Variants in ADAM2 observed in about 807,000 individuals in gnomAD.
ADAM2 encodes disintegrin and metalloproteinase domain-containing protein 2.
In ADAM2, 101 loss-of-function variants were observed where a neutral mutation model predicts 99.3. That is an observed-to-expected ratio of 1.02 (90% CI 0.87 to 1.20). The LOEUF is 1.20. ADAM2 is among the 50% of genes most tolerant of loss of function. The pLI, the probability that ADAM2 is intolerant of heterozygous loss-of-function variation, is 0.00. For missense variants in ADAM2, 948 were observed against 878.7 expected, an observed-to-expected ratio of 1.08 and a Z score of -1.00; for synonymous variants, 323 against 287.6, an observed-to-expected ratio of 1.12 and a Z score of -1.25.
intron 7 of ADAM2, among the ~76,000 whole-genome samples, chr8:39,797,939 G>C (rs1804038877): frequency 6.6e-6 from 1 of 152,166 alleles, no homozygotes; most frequent in Non-Finnish European, 1.5e-5. Context: ...AGAAGCTTTT[G>C]GGCTTAGATG....
chr8:39,755,961 C>T (rs780521135), intron 15 of ADAM2, 50 bp from the exon 16 acceptor site: 7 of 1,026,424 alleles, frequency 6.8e-6, no homozygotes, highest in East Asian at 2.7e-5. Flanking sequence ...TAGAGAAGTA[C>T]AAGAATATAA....
intron 7 of ADAM2, among the ~76,000 whole-genome samples, chr8:39,806,492 T>C (rs1234430167): frequency 2.6e-4 from 39 of 147,996 alleles, no homozygotes; most frequent in Non-Finnish European, 3.0e-5. Flanking sequence ...ATATTATAAA[T>C]ATTATATTAT....
intron 6 of ADAM2, among the ~76,000 whole-genome samples, chr8:39,813,943 T>C (rs1804811987): frequency 6.7e-6 from 1 of 150,244 alleles, no homozygotes; most frequent in African/African-American, 2.4e-5. Context: ...AAAATAAATA[T>C]ATGTAAATAA....
At chr8:39,747,116 G>T (rs1823502804) in intron 18 of ADAM2, among the ~76,000 whole-genome samples, 1 of 152,136 alleles carries the variant, frequency 6.6e-6, no homozygotes, top group Admixed American at 6.6e-5. Context: ...TAAACCCACA[G>T]ATTAAGAAGT....
intron 10 of ADAM2, among the ~76,000 whole-genome samples, chr8:39,781,557 C>T (rs1003436167): frequency 1.2e-4 from 18 of 152,172 alleles, no homozygotes; most frequent in Admixed American, 9.8e-4. Context: ...TTGAGTGTAA[C>T]TGTACTTCTT....
At chr8:39,796,246 G>C (rs1803937837) in intron 7 of ADAM2, among the ~76,000 whole-genome samples, 1 of 151,948 alleles carries the variant, frequency 6.6e-6, no homozygotes, top group Admixed American at 6.6e-5. Flanking sequence ...CTGTGTCCTT[G>C]CATTCTCAAT....
At chr8:39,759,747 C>T (rs1401453984) in intron 15 of ADAM2, among the ~76,000 whole-genome samples, 1 of 152,112 alleles carries the variant, frequency 6.6e-6, no homozygotes, top group Non-Finnish European at 1.5e-5. Flanking sequence ...GAATTCCTTG[C>T]ACTATTCACG....
At chr8:39,811,355 G>A (rs1220046229) in intron 6 of ADAM2, among the ~76,000 whole-genome samples, 1 of 152,156 alleles carries the variant, frequency 6.6e-6, no homozygotes, top group Non-Finnish European at 1.5e-5. Context: ...GGTACAAAGA[G>A]GAGCTGGTAC....
Position 39,746,570 on chromosome 8 carries a change from G to C in ADAM2, c.2076C>G (p.Phe692Leu). 1.9e-6 allele frequency: 3 copies of C among 1,606,648 alleles called. No individual in the cohort carries two copies. Among genetic ancestry groups the C allele is most frequent in the Non-Finnish European group, 2.6e-6 (3 of 1,176,404 alleles). The change falls in exon 19 of 21, where the codon TTC (phenylalanine) becomes TTG (leucine). Residue 692 changes from phenylalanine to leucine, a missense_variant. Transcript: ENST00000265708. ...SKPMRWPFFL[F>L]IPFFIIFCVL... is the part of the protein sequence containing the mutation. ...CACAGAAAATAATAAAGAAAGGAATGAATAAGAAAAATGGCCATCTCATTG... is the reference window on the plus strand; with the variant it reads ...CACAGAAAATAATAAAGAAAGGAATCAATAAGAAAAATGGCCATCTCATTG...
chr8:39,752,290 G>C (rs1052433167), intron 16 of ADAM2, among the ~76,000 whole-genome samples: 1 of 152,048 alleles, frequency 6.6e-6, no homozygotes, highest in South Asian at 2.1e-4. Flanking sequence ...TCAGAAAAAC[G>C]GTGATATAGA....
intron 2 of ADAM2, 45 bp from the exon 3 acceptor site, chr8:39,834,044 T>A (rs770868955): frequency 3.8e-6 from 4 of 1,040,620 alleles, no homozygotes; most frequent in Admixed American, 3.9e-5. Flanking sequence ...TGAAAAAAAA[T>A]GTTAGAAGGG....
intron 19 of ADAM2, 115 bp downstream of exon 19, chr8:39,746,356 TC>T (rs1375769376): frequency 6.7e-6 from 5 of 742,838 alleles, no homozygotes; most frequent in Non-Finnish European, 8.2e-6. Context: ...GTTATTAAAT[TC>T]CCATATAAAG....
At chr8:39,777,214 G>A in intron 10 of ADAM2, 53 bp from the exon 11 acceptor site, 1 of 1,418,970 alleles carries the variant, frequency 7.0e-7, no homozygotes, top group Non-Finnish European at 9.8e-7. Context: ...TGTTTACTGG[G>A]AGAACAATGC....
At chr8:39,833,338 A>G (rs1424131742) in intron 3 of ADAM2, among the ~76,000 whole-genome samples, 1 of 152,078 alleles carries the variant, frequency 6.6e-6, no homozygotes, top group Non-Finnish European at 1.5e-5. Flanking sequence ...TGATTTTTGT[A>G]TTGATTTGGT....
At chr8:39,772,576 T>A (rs1013548055) in intron 11 of ADAM2, among the ~76,000 whole-genome samples, 1 of 152,042 alleles carries the variant, frequency 6.6e-6, no homozygotes, top group Non-Finnish European at 1.5e-5. Flanking sequence ...CAAAATAAAC[T>A]TTTCTTTGAT....
At chr8:39,764,909 G>A (rs536040011) in intron 14 of ADAM2, among the ~76,000 whole-genome samples, 5 of 151,986 alleles carry the variant, frequency 3.3e-5, no homozygotes, top group Non-Finnish European at 7.4e-5. Context: ...CAGCTACTCA[G>A]GAGGCTAGGA....
intron 15 of ADAM2, among the ~76,000 whole-genome samples, chr8:39,756,399 A>G (rs1802154298): frequency 2.0e-5 from 3 of 152,204 alleles, no homozygotes; most frequent in Non-Finnish European, 4.4e-5. Context: ...CATAGGTAGT[A>G]TGTCCTACAG....
At chr8:39,749,583 G>GCA (rs113780233) in intron 17 of ADAM2, 84 bp downstream of exon 17, 28,315 of 903,096 alleles carry the variant, frequency 0.031, 194 homozygotes, top group Non-Finnish European at 0.034. Flanking sequence ...GTGTGTGTGT[G>GCA]TGCGTGTGTG....
intron 7 of ADAM2, among the ~76,000 whole-genome samples, chr8:39,793,738 A>G (rs1031422353): frequency 4.6e-5 from 7 of 152,128 alleles, no homozygotes; most frequent in Non-Finnish European, 1.0e-4. Context: ...TTGGGCTACA[A>G]TTTGATTGAG....
Sources: gnomAD v4.1 joint callset for allele counts (sites outside exome capture counted in the v4.1 genomes callset) on GRCh38, gnomAD v4.1.1 for gene constraint, MANE v1.5 for transcripts, NCBI Gene and HGNC (gene_info 2026-07-23, HGNC 2026-07-21) for gene names.